Variants in SLC38A8 observed in about 807,000 individuals in gnomAD.
The protein encoded by SLC38A8 is solute carrier family 38 member 8, also known as amino acid transporter SLC38A8.
In SLC38A8, 65 loss-of-function variants were observed where a neutral mutation model predicts 46.0. The ratio of observed to expected loss-of-function variants is 1.41; its 90% confidence interval spans 1.16 to 1.74. The LOEUF (loss-of-function observed/expected upper bound fraction) is 1.74, where lower values mean the gene tolerates loss of function less well. SLC38A8 is among the 40% of genes most tolerant of loss of function. The probability of loss-of-function intolerance (pLI) is 0.00; values close to 1 mark genes in which losing one functional copy is unlikely to be tolerated. For missense variants in SLC38A8, 998 were observed against 567.9 expected (o/e 1.76, Z -7.70); for synonymous variants, 447 against 243.7 (o/e 1.83, Z -7.77).
intron 3 of SLC38A8, among the ~76,000 whole-genome samples, chr16:84,036,305 T>A (rs928738993): frequency 6.6e-6 from 1 of 152,196 alleles, no homozygotes; most frequent in Non-Finnish European, 1.5e-5. Context: ...AAGCAGTGCT[T>A]AGAGGGAAAG....
At chr16:84,019,189 C>T (rs940562811) in intron 7 of SLC38A8, among the ~76,000 whole-genome samples, 6 of 152,086 alleles carry the variant, frequency 3.9e-5, no homozygotes, top group Admixed American at 3.3e-4. Flanking sequence ...ATTATCTTGC[C>T]TCAGCCTCCT....
chr16:84,024,369 A>G (rs12933666), intron 6 of SLC38A8, among the ~76,000 whole-genome samples: 65,582 of 151,540 alleles, frequency 0.43, 14,266 homozygotes, highest in East Asian at 0.52. Context: ...GGTAGAGATG[A>G]CTTCTTACTA....
chr16:84,038,718 C>T (rs1476209020), intron 2 of SLC38A8, among the ~76,000 whole-genome samples: 2 of 152,210 alleles, frequency 1.3e-5, no homozygotes, highest in African/African-American at 2.4e-5. Flanking sequence ...ACGAGTCCCA[C>T]TTCTGTCTCC....
intron 7 of SLC38A8, among the ~76,000 whole-genome samples, chr16:84,022,194 A>G (rs949815149): frequency 6.6e-6 from 1 of 152,196 alleles, no homozygotes; most frequent in Admixed American, 6.5e-5. Flanking sequence ...AGCTTCCTAG[A>G]CTGGAGGATA....
chr16:84,029,266 T>A (rs2085207905), intron 6 of SLC38A8, among the ~76,000 whole-genome samples: 1 of 152,108 alleles, frequency 6.6e-6, no homozygotes, highest in Non-Finnish European at 1.5e-5. Context: ...GGGGGCTGGA[T>A]TCCCAAGTTC....
intron 1 of SLC38A8, 53 bp from the exon 2 acceptor site, chr16:84,042,212 T>C: frequency 6.5e-7 from 1 of 1,532,648 alleles, no homozygotes; most frequent in Non-Finnish European, 8.8e-7. Flanking sequence ...CTTTCCTCCC[T>C]AAGTTCTCGA....
At chr16:84,024,902 T>A (rs1332350044) in intron 6 of SLC38A8, among the ~76,000 whole-genome samples, 1 of 152,006 alleles carries the variant, frequency 6.6e-6, no homozygotes, top group Non-Finnish European at 1.5e-5. Context: ...GCTGGTCTCA[T>A]ACTCCTGACC....
chr16:84,041,521 C>G (rs920395977), intron 2 of SLC38A8, among the ~76,000 whole-genome samples: 18 of 152,208 alleles, frequency 1.2e-4, no homozygotes, highest in Non-Finnish European at 2.2e-4. Flanking sequence ...CCATATGGGC[C>G]AGGCTGGTCT....
At chr16:84,033,498 A>G in intron 3 of SLC38A8, 29 bp from the exon 4 acceptor site, 1 of 1,567,860 alleles carries the variant, frequency 6.4e-7, no homozygotes. Flanking sequence ...GAGCTGAGCC[A>G]CAGAGTACAA....
Position 84,041,634 on chromosome 16 carries a change from G to A in SLC38A8, c.189+335C>T, listed in dbSNP as rs536918985. Among the ~76,000 whole-genome samples the A allele has an allele frequency of 2.1e-4, 32 of 152,284 alleles. No homozygotes were observed. In the South Asian group the frequency reaches 6.2e-3, roughly 30 times the overall value. Reference sequence around the variant, plus strand: ...GGCCCAGCTTTAGTTTTTGAGCTAAGACCAGCAGGCAAGAAAGAGCAGCTG... The same window carrying A: ...GGCCCAGCTTTAGTTTTTGAGCTAAAACCAGCAGGCAAGAAAGAGCAGCTG... On this transcript the variant is annotated intron_variant, in intron 2 of 10. Coordinates refer to ENST00000299709, the MANE Select transcript of SLC38A8 (RefSeq NM_001080442.3).
chr16:84,040,124 A>G (rs1304526127), intron 2 of SLC38A8: 2 of 152,178 alleles, frequency 1.3e-5, no homozygotes, highest in African/African-American at 4.8e-5. Context: ...AACGCTCCCC[A>G]TGCAGAAGCC....
At chr16:84,030,641 AC>A (rs1414658474) in intron 5 of SLC38A8, among the ~76,000 whole-genome samples, 1 of 151,808 alleles carries the variant, frequency 6.6e-6, no homozygotes, top group African/African-American at 2.4e-5. Flanking sequence ...CATCCTTCCC[AC>A]TGTTCAAGCT....
intron 7 of SLC38A8, 70 bp from the exon 8 acceptor site, chr16:84,017,357 C>G: frequency 1.3e-6 from 2 of 1,568,038 alleles, no homozygotes; most frequent in Non-Finnish European, 1.7e-6. Context: ...CACCAACAGA[C>G]AGACAGCGCC....
At chr16:84,017,994 G>C (rs1011558980) in intron 7 of SLC38A8, among the ~76,000 whole-genome samples, 5 of 152,166 alleles carry the variant, frequency 3.3e-5, no homozygotes, top group Admixed American at 2.0e-4. Context: ...CACCCAGCAA[G>C]TTTCCTGGAT....
At chr16:84,031,785 C>G in intron 5 of SLC38A8, 82 bp downstream of exon 5, 1 of 1,188,252 alleles carries the variant, frequency 8.4e-7, no homozygotes, top group South Asian at 1.3e-5. Context: ...CCACGAGAGG[C>G]TCCTCCTCCA....
rs770122259 is a variant in SLC38A8, at chr16:84,031,959, G to A, written c.540C>T (p.Gly180=). The A allele has an allele frequency of 6.8e-6, 11 of 1,614,044 alleles. No individual in the cohort carries two copies. The South Asian group carries it at 8.8e-5, about 13-fold the overall frequency. ...GGGCCAGGTAACAGGCAGCCAGAGT[G>A]CCTAGGATGCTAACACAGTGACCGT... ...IAFQKYTSIL[G]TLAACYLALV... Residue 180 remains glycine (G), a synonymous_variant, in exon 5 of 11, where the codon GGC becomes GGT. Coordinates refer to ENST00000299709, the MANE Select transcript of SLC38A8 (RefSeq NM_001080442.3).
chr16:84,024,979 T>C (rs1207163071), intron 6 of SLC38A8, among the ~76,000 whole-genome samples: 1 of 151,988 alleles, frequency 6.6e-6, no homozygotes, highest in Admixed American at 6.6e-5. Context: ...CCAAGCCCAG[T>C]GCAAGAATTT....
intron 9 of SLC38A8, among the ~76,000 whole-genome samples, chr16:84,016,121 C>T (rs769447412): frequency 8.5e-5 from 10 of 117,818 alleles, no homozygotes; most frequent in Non-Finnish European, 1.4e-4. Context: ...AGAGCTTGTG[C>T]TGGGGGGCGG....
chr16:84,038,886 A>G (rs1053877924), intron 2 of SLC38A8, among the ~76,000 whole-genome samples: 3 of 152,240 alleles, frequency 2.0e-5, no homozygotes, highest in East Asian at 1.9e-4. Flanking sequence ...ATAGATCACA[A>G]TTAGCTGAGC....
Sources: gnomAD v4.1 joint callset for allele counts (sites outside exome capture counted in the v4.1 genomes callset) on GRCh38, gnomAD v4.1.1 for gene constraint, MANE v1.5 for transcripts, NCBI Gene and HGNC (gene_info 2026-07-23, HGNC 2026-07-21) for gene names.